The following EIF4E3 variants were observed in gnomAD, a reference collection of about 807,000 sequenced individuals.
EIF4E3 encodes eukaryotic translation initiation factor 4E type 3.
A neutral mutation model predicts 31.7 loss-of-function variants in EIF4E3; 26 were observed. That is an observed-to-expected ratio of 0.82 (90% confidence interval 0.60 to 1.14). The LOEUF (loss-of-function observed/expected upper bound fraction) is 1.14. EIF4E3 is among the 50% of genes most tolerant of loss of function. The pLI is 0.00. For synonymous variants in EIF4E3, 128 were observed against 107.7 expected, an observed-to-expected ratio of 1.19 and a Z score of -1.17; for missense variants, 304 against 270.9, an observed-to-expected ratio of 1.12 and a Z score of -0.86.
intron 1 of EIF4E3, among the ~76,000 whole-genome samples, chr3:71,731,549 A>G (rs1325042827): frequency 6.6e-6 from 1 of 152,088 alleles, no homozygotes; most frequent in East Asian, 1.9e-4. Flanking sequence ...TCTCTTGTCC[A>G]CCTTTGTCCA....
intron 2 of EIF4E3, among the ~76,000 whole-genome samples, chr3:71,705,226 C>T (rs2049272504): frequency 6.6e-6 from 1 of 152,136 alleles, no homozygotes; most frequent in African/African-American, 2.4e-5. Context: ...CACCATCCTC[C>T]ATGATCAATA....
At chr3:71,749,584 C>T (rs558101923) in intron 1 of EIF4E3, among the ~76,000 whole-genome samples, 20 of 152,284 alleles carry the variant, frequency 1.3e-4, no homozygotes, top group Non-Finnish European at 1.9e-4. Flanking sequence ...GAACCCATGA[C>T]CTTGACTGTA....
chr3:71,746,708 TG>T (rs1161757464), intron 1 of EIF4E3, among the ~76,000 whole-genome samples: 1 of 152,226 alleles, frequency 6.6e-6, no homozygotes, highest in South Asian at 2.1e-4. Flanking sequence ...CACAGAGTTG[TG>T]GAACTATCAC....
At chr3:71,701,245 A>G (rs2049212384) in intron 2 of EIF4E3, among the ~76,000 whole-genome samples, 1 of 152,246 alleles carries the variant, frequency 6.6e-6, no homozygotes, top group African/African-American at 2.4e-5. Flanking sequence ...CTTGGCAAAG[A>G]CAAGTGATCT....
intron 2 of EIF4E3, among the ~76,000 whole-genome samples, chr3:71,701,635 A>G (rs1343810747): frequency 1.4e-4 from 22 of 152,194 alleles, no homozygotes; most frequent in Non-Finnish European, 1.5e-5. Flanking sequence ...AGAAAAATCA[A>G]TCCTAGGGCT....
At chr3:71,748,522 C>T (rs1248081107) in intron 1 of EIF4E3, among the ~76,000 whole-genome samples, 1 of 152,032 alleles carries the variant, frequency 6.6e-6, no homozygotes, top group Non-Finnish European at 1.5e-5. Context: ...GGGAGCTGCA[C>T]CCAGTTTCTC....
chr3:71,689,345 A>G (rs1439594023), intron 6 of EIF4E3, among the ~76,000 whole-genome samples: 2 of 152,224 alleles, frequency 1.3e-5, no homozygotes, highest in African/African-American at 4.8e-5. Context: ...AGTCTGATCT[A>G]CCAAACATTG....
the EIF4E3 span, among the ~76,000 whole-genome samples, chr3:71,660,426 G>A: frequency 6.6e-6 from 1 of 152,196 alleles, no homozygotes; most frequent in African/African-American, 2.4e-5. Context: ...GTTTAAGCAG[G>A]AAAGCCAGTC....
intron 1 of EIF4E3, among the ~76,000 whole-genome samples, chr3:71,717,433 A>C (rs2049482342): frequency 6.6e-6 from 1 of 152,256 alleles, no homozygotes; most frequent in Admixed American, 6.5e-5. Context: ...TTATATGTGA[A>C]GGACAGTTCT....
intron 3 of EIF4E3, among the ~76,000 whole-genome samples, chr3:71,698,301 T>G (rs1578345323): frequency 6.6e-6 from 1 of 152,148 alleles, no homozygotes; most frequent in East Asian, 1.9e-4. Flanking sequence ...AGAGGCTCGC[T>G]TGACTCTGGG....
At chr3:71,663,750 T>C in the EIF4E3 span, among the ~76,000 whole-genome samples, 1 of 152,214 alleles carries the variant, frequency 6.6e-6, no homozygotes, top group Non-Finnish European at 1.5e-5. Context: ...GCCTGTTTTA[T>C]GCAACAAAAG....
At chr3:71,664,770 G>A in the EIF4E3 span, among the ~76,000 whole-genome samples, 9 of 152,170 alleles carry the variant, frequency 5.9e-5, no homozygotes, top group Admixed American at 2.6e-4. Context: ...AGCTACTCGG[G>A]AGGCTGAGGC....
At chr3:71,693,736 T>C (rs1325858560) in intron 5 of EIF4E3, 139 bp downstream of exon 5, 10 of 760,232 alleles carry the variant, frequency 1.3e-5, no homozygotes, top group Non-Finnish European at 1.9e-5. Context: ...TGAAAAAAAA[T>C]TGAGTAACTT....
At position 71,681,284 on chromosome 3, in the gene EIF4E3, A is replaced by C. The variant is rs890327087; in HGVS notation, c.*3398T>G. 1 of 152,248 alleles carries C rather than the reference A, an allele frequency of 6.6e-6. No individual in the cohort carries two copies. Among genetic ancestry groups the C allele is most frequent in the Non-Finnish European group, 1.5e-5 (1 of 68,036 alleles). The allele number at this position is 152,248 out of a possible 1,614,324, so 9.4% of individuals were successfully genotyped here. On this transcript the variant is annotated 3_prime_UTR_variant, in exon 7 of 7. Transcript: ENST00000425534. ...AAAATTCTACAAACATAGCTGGATA[A>C]ATTCTGCTGCTGAGCCAGAACTGTT...
At chr3:71,674,640 T>C (rs1206640469), downstream of EIF4E3, among the ~76,000 whole-genome samples, 1 of 152,134 alleles carries the variant, frequency 6.6e-6, no homozygotes, top group African/African-American at 2.4e-5. Context: ...TCAACACTGT[T>C]TGTTGTAGGA....
intron 6 of EIF4E3, among the ~76,000 whole-genome samples, chr3:71,689,535 A>G (rs2049034925): frequency 6.6e-6 from 1 of 152,226 alleles, no homozygotes; most frequent in Non-Finnish European, 1.5e-5. Context: ...ATTCATAATG[A>G]GGAAGTATTA....
intron 1 of EIF4E3, among the ~76,000 whole-genome samples, chr3:71,717,892 T>C (rs747944055): frequency 1.3e-5 from 2 of 152,206 alleles, no homozygotes; most frequent in African/African-American, 4.8e-5. Context: ...ATGAGTAAAT[T>C]GTAGTTCATA....
intron 1 of EIF4E3, among the ~76,000 whole-genome samples, chr3:71,734,007 T>C (rs1266415019): frequency 6.6e-6 from 1 of 152,258 alleles, no homozygotes; most frequent in African/African-American, 2.4e-5. Context: ...GAATCTCTTT[T>C]GTTTTACCAT....
chr3:71,749,220 CAA>C (rs1336812998), intron 1 of EIF4E3, among the ~76,000 whole-genome samples: 2 of 152,202 alleles, frequency 1.3e-5, no homozygotes, highest in Non-Finnish European at 2.9e-5. Flanking sequence ...CCCAATGAGC[CAA>C]AGTCTGGGCT....
Sources: gnomAD v4.1 joint callset for allele counts (sites outside exome capture counted in the v4.1 genomes callset) on GRCh38, gnomAD v4.1.1 for gene constraint, MANE v1.5 for transcripts, NCBI Gene and HGNC (gene_info 2026-07-23, HGNC 2026-07-21) for gene names.